NME7: variants seen among roughly 807,000 people sequenced by gnomAD.
The protein encoded by NME7 is NME/NM23 family member 7.
NME7 carries 41 observed loss-of-function variants against 49.1 expected under a neutral mutation model. That is an observed-to-expected ratio of 0.83 (90% CI 0.65 to 1.08). NME7 has a LOEUF of 1.08. Among genes scored for constraint, NME7 ranks in the 50% least tolerant of loss-of-function variants. NME7 has a pLI of 0.00. For synonymous variants in NME7, 139 were observed against 150.6 expected (o/e 0.92, Z 0.56); for missense variants, 423 against 463.4 (o/e 0.91, Z 0.80).
At position 169,208,579 on chromosome 1, in the gene NME7, T is replaced by C. The variant is rs774086169; in HGVS notation, c.990+22139A>G. ...CATACTTATGTTTAAACCAAAATAA[T>C]AGTAAAACTTTCCAGAAGAAAGGTA... On this transcript the variant is annotated intron_variant, in intron 10 of 11. Coordinates refer to ENST00000367811, the MANE Select transcript of NME7 (RefSeq NM_013330.5). 3.3e-5 allele frequency among the ~76,000 whole-genome samples: 5 copies of C among 152,066 alleles called. No homozygotes were observed. In the South Asian group the frequency reaches 6.2e-4, roughly 19 times the overall value.
chr1:169,293,532 G>C (rs1006383053), intron 6 of NME7, among the ~76,000 whole-genome samples: 2 of 152,062 alleles, frequency 1.3e-5, no homozygotes, highest in African/African-American at 2.4e-5. Flanking sequence ...ACTCTAGACT[G>C]TTACACTGAT....
Position 169,209,483 on chromosome 1 carries a change from G to A in NME7, c.990+21235C>T, listed in dbSNP as rs541193756. 2.6e-5 allele frequency among the ~76,000 whole-genome samples: 4 copies of A among 152,080 alleles called. No individual in the cohort carries two copies. The South Asian group carries it at 8.3e-4, about 32-fold the overall frequency. ...GTAAATAAACTATGTACTTGCTTGT[G>A]CCCATGTCCAAATTACCAAGTTCTT... On this transcript the variant is annotated intron_variant, in intron 10 of 11. Transcript: ENST00000367811.
intron 7 of NME7, among the ~76,000 whole-genome samples, chr1:169,253,737 A>C (rs2101851107): frequency 6.6e-6 from 1 of 152,224 alleles, no homozygotes; most frequent in Middle Eastern, 3.4e-3. Flanking sequence ...AATACGTCCC[A>C]TCAATACCTA....
chr1:169,344,585 G>A (rs769329752), intron 1 of NME7, among the ~76,000 whole-genome samples: 15 of 152,018 alleles, frequency 9.9e-5, no homozygotes, highest in Admixed American at 5.9e-4. Flanking sequence ...ATTATGAATG[G>A]TATTTGATTT....
chr1:169,155,218 C>A (rs966454960), intron 11 of NME7, among the ~76,000 whole-genome samples: 4 of 147,168 alleles, frequency 2.7e-5, no homozygotes, highest in Non-Finnish European at 4.5e-5. Context: ...AATTATCAAT[C>A]AAAGACTCCA....
chr1:169,230,850 A>C (rs774497020), intron 9 of NME7, 31 bp from the exon 10 acceptor site: 1 of 1,434,006 alleles, frequency 7.0e-7, no homozygotes, highest in Admixed American at 2.1e-5. Flanking sequence ...GAATGAAAAG[A>C]ATTTAACAAT....
intron 7 of NME7, among the ~76,000 whole-genome samples, chr1:169,279,487 C>G (rs569959868): frequency 2.0e-5 from 3 of 152,344 alleles, no homozygotes; most frequent in South Asian, 2.1e-4. Context: ...TAGGACCCTC[C>G]AAGCCAGGTG....
At position 169,169,554 on chromosome 1, in the gene NME7, C is replaced by CAGGAT; in HGVS notation, c.991-1_991insATCCT (p.Glu331IlefsTer37). On this transcript the variant is annotated frameshift_variant and splice_region_variant. Coordinates refer to ENST00000367811, the MANE Select transcript of NME7 (RefSeq NM_013330.5). LOFTEE classifies it high-confidence loss of function. Reference sequence around the variant, plus strand: ...CCAGGGCGTAAATGCCGGGCAATTTCCTATTAAACATACATTCACATATAG... The same window carrying CAGGAT: ...CCAGGGCGTAAATGCCGGGCAATTTCAGGATCTATTAAACATACATTCACATATAG... 1 of 1,612,980 alleles carries CAGGAT rather than the reference C, an allele frequency of 6.2e-7. No individual in the cohort carries two copies. Among genetic ancestry groups the CAGGAT allele is most frequent in the Admixed American group, 1.7e-5 (1 of 60,002 alleles).
chr1:169,140,652 T>G (rs949563887), intron 11 of NME7, among the ~76,000 whole-genome samples: 15 of 151,782 alleles, frequency 9.9e-5, no homozygotes, highest in African/African-American at 3.4e-4. Context: ...TCAGGTGACC[T>G]TGACACTTCC....
At chr1:169,342,429 A>G (rs1652746672) in intron 1 of NME7, among the ~76,000 whole-genome samples, 1 of 149,880 alleles carries the variant, frequency 6.7e-6, no homozygotes. Flanking sequence ...CTCACGTAGT[A>G]CCTTTATAGC....
rs1027052284 is a variant in NME7, at chr1:169,196,220, T to C, written c.991-26666A>G. ...TCTTACAACTATATTCTATTCTTCA[T>C]GCTATTCTTAACTTCTCTTTGGCCT... On this transcript the variant is annotated intron_variant, in intron 10 of 11. Coordinates refer to ENST00000367811, the MANE Select transcript of NME7 (RefSeq NM_013330.5). 2.0e-5 allele frequency among the ~76,000 whole-genome samples: 3 copies of C among 152,232 alleles called. No homozygotes were observed. The East Asian group carries it at 5.8e-4, about 29-fold the overall frequency.
intron 3 of NME7, among the ~76,000 whole-genome samples, chr1:169,322,062 A>G (rs1448512094): frequency 2.0e-5 from 3 of 152,228 alleles, no homozygotes; most frequent in African/African-American, 7.2e-5. Flanking sequence ...GTTGAAATTC[A>G]TAAATGTAGA....
chr1:169,245,563 C>A (rs3766079), intron 7 of NME7, among the ~76,000 whole-genome samples: 1 of 152,088 alleles, frequency 6.6e-6, no homozygotes, highest in African/African-American at 2.4e-5. Flanking sequence ...AAGTTTTAAT[C>A]GTGATGTAGC....
intron 1 of NME7, among the ~76,000 whole-genome samples, chr1:169,365,773 A>T (rs1653829160): frequency 6.6e-6 from 1 of 152,224 alleles, no homozygotes; most frequent in South Asian, 2.1e-4. Flanking sequence ...ACCAGACTGT[A>T]AAAGTCACTA....
At chr1:169,235,256 A>C in intron 8 of NME7, 57 bp from the exon 9 acceptor site, 1 of 875,692 alleles carries the variant, frequency 1.1e-6, no homozygotes, top group Non-Finnish European at 1.7e-6. Flanking sequence ...AAGGGAAATA[A>C]ATAAGCCACA....
chr1:169,156,154 CA>C (rs71121729), intron 11 of NME7, among the ~76,000 whole-genome samples: 2 of 135,906 alleles, frequency 1.5e-5, no homozygotes, highest in South Asian at 2.4e-4. Context: ...CCTGTCTCTA[CA>C]AAAAAAAATT....
chr1:169,328,432 T>C (rs1210688839), intron 1 of NME7, among the ~76,000 whole-genome samples: 1 of 152,158 alleles, frequency 6.6e-6, no homozygotes, highest in Non-Finnish European at 1.5e-5. Context: ...AACTGCATTG[T>C]ACACACTCAT....
At chr1:169,329,552 C>T (rs1048198723) in intron 1 of NME7, among the ~76,000 whole-genome samples, 7 of 151,568 alleles carry the variant, frequency 4.6e-5, no homozygotes, top group Admixed American at 1.3e-4. Context: ...ATGCAAAAAG[C>T]GTACTGAAGA....
At chr1:169,351,273 G>A (rs1356892399) in intron 1 of NME7, among the ~76,000 whole-genome samples, 1 of 151,760 alleles carries the variant, frequency 6.6e-6, no homozygotes, top group African/African-American at 2.4e-5. Context: ...AAAATCAAAG[G>A]TCTCTTTCAG....
Sources: gnomAD v4.1 joint callset for allele counts (sites outside exome capture counted in the v4.1 genomes callset) on GRCh38, gnomAD v4.1.1 for gene constraint, MANE v1.5 for transcripts, NCBI Gene and HGNC (gene_info 2026-07-23, HGNC 2026-07-21) for gene names.